Variants in PELP1 observed in about 807,000 individuals in gnomAD.
PELP1 encodes the protein proline, glutamate and leucine rich protein 1.
Under a neutral mutation model 95.5 loss-of-function variants are expected in PELP1, and 32 were observed. The observed-to-expected ratio is 0.34, with a 90% CI of 0.25 to 0.45. The LOEUF (loss-of-function observed/expected upper bound fraction) is 0.45, where lower values mean the gene tolerates loss of function less well. PELP1 is among the 20% of genes least tolerant of loss of function. The pLI, the probability that PELP1 is intolerant of heterozygous loss-of-function variation, is 1.00. For synonymous variants in PELP1, 668 were observed against 600.1 expected (o/e 1.11, Z -1.65); for missense variants, 1,358 against 1,444.8 (o/e 0.94, Z 0.97).
At chr17:4,700,684 G>A (rs1191183734) in intron 1 of PELP1, among the ~76,000 whole-genome samples, 2 of 151,994 alleles carry the variant, frequency 1.3e-5, no homozygotes, top group Non-Finnish European at 2.9e-5. Flanking sequence ...CAGGATTTTG[G>A]GGGGCCAAGG....
intron 1 of PELP1, among the ~76,000 whole-genome samples, chr17:4,698,907 CAAAGTA>C (rs1913411372): frequency 6.6e-6 from 1 of 152,020 alleles, no homozygotes; most frequent in Admixed American, 6.5e-5. Flanking sequence ...TAAAATATGT[CAAAGTA>C]AAAGGACATA....
chr17:4,679,561 CAG>C (rs1597449365), intron 5 of PELP1, among the ~76,000 whole-genome samples: 1 of 152,208 alleles, frequency 6.6e-6, no homozygotes, highest in African/African-American at 2.4e-5. Context: ...TAATACCTAA[CAG>C]AGCTGAATCA....
At position 4,675,010 on chromosome 17, in the gene PELP1, C is replaced by T; in HGVS notation, c.1275-54G>A. 18 of 1,605,912 alleles carry T rather than the reference C, an allele frequency of 1.1e-5. No homozygotes were observed. The highest frequency in any genetic ancestry group is 1.4e-5 in the Non-Finnish European group (17 of 1,173,836). ...GAATGGGGGGTCAACATGCCAGAAG[C>T]CCCAGCCCACCTGCACCCCCTCACC... On this transcript the variant is annotated intron_variant, in intron 11 of 16. Coordinates refer to ENST00000572293, the MANE Select transcript of PELP1 (RefSeq NM_014389.3). This position sits in a 1 kb window ranked among gnomAD's most constrained non-coding sequence, Gnocchi z 4.3.
intron 11 of PELP1, 33 bp from the exon 12 acceptor site, chr17:4,674,989 G>C (rs747979158): frequency 6.9e-6 from 11 of 1,604,778 alleles, no homozygotes; most frequent in Non-Finnish European, 8.5e-6. Flanking sequence ...AGTTATGAAT[G>C]GGGGGTCAAC....
intron 1 of PELP1, among the ~76,000 whole-genome samples, chr17:4,697,765 C>T (rs991324025): frequency 2.6e-5 from 4 of 151,886 alleles, no homozygotes; most frequent in East Asian, 1.9e-4. Context: ...ATGAGTTCAA[C>T]GGAACAACCA....
chr17:4,701,637 T>C (rs1409888719), intron 1 of PELP1, among the ~76,000 whole-genome samples: 1 of 152,246 alleles, frequency 6.6e-6, no homozygotes, highest in African/African-American at 2.4e-5. Context: ...GGTAGGTGGA[T>C]GATCAAACAG....
intron 1 of PELP1, among the ~76,000 whole-genome samples, chr17:4,694,800 G>A (rs984270168): frequency 2.5e-4 from 37 of 147,118 alleles, no homozygotes; most frequent in African/African-American, 9.3e-4. Flanking sequence ...GTGAAACCCC[G>A]GCTCTACTAA....
Position 4,682,866 on chromosome 17 carries a change from G to C in PELP1, c.507C>G (p.Phe169Leu). Reference sequence around the variant, plus strand: ...GGAGGTGGTTCATGGAGATGTCCCGGAACAGTGCAGGCAGCTGGGCTGCAT... The same window carrying C: ...GGAGGTGGTTCATGGAGATGTCCCGCAACAGTGCAGGCAGCTGGGCTGCAT... ...LRYAAQLPAL[F>L]RDISMNHLPG... Residue 169 changes from phenylalanine to leucine, a missense_variant, in exon 4 of 17, where the codon TTC (phenylalanine) becomes TTG (leucine). Physicochemically the swap from Phe to Leu is conservative, Grantham distance 22 (BLOSUM62 0). Transcript: ENST00000572293. 1 of 1,602,600 alleles carries C rather than the reference G, an allele frequency of 6.2e-7. No homozygotes were observed. Among genetic ancestry groups the C allele is most frequent in the Non-Finnish European group, 8.5e-7 (1 of 1,175,424 alleles).
In PELP1 at chr17:4,675,942, A is replaced by G. The variant is rs1343175777; in HGVS notation, c.981-58T>C. 2.5e-6 allele frequency: 4 copies of G among 1,587,104 alleles called. No homozygotes were observed. The East Asian group carries it at 9.1e-5, about 36-fold the overall frequency. On this transcript the variant is annotated intron_variant, in intron 8 of 16. Coordinates refer to ENST00000572293, the MANE Select transcript of PELP1 (RefSeq NM_014389.3). The surrounding 1 kb of genome is among the most constrained non-coding windows in gnomAD (Gnocchi z 4.3). ...GCAGGCTCCCTGGCATAACTCCCAC[A>G]CCCACCTTCATCTCCTTTCTCCTGA... is the stretch of plus-strand genomic sequence containing the variant.
intron 2 of PELP1, 118 bp from the exon 3 acceptor site, chr17:4,691,111 T>C: frequency 1.3e-6 from 1 of 749,458 alleles, no homozygotes; most frequent in Non-Finnish European, 2.3e-6. Flanking sequence ...CACTGTGGTT[T>C]CCAACTCCTG....
chr17:4,682,945 T>A lies in PELP1; in HGVS notation c.428A>T (p.Asp143Val). The A allele has an allele frequency of 7.2e-7, 1 of 1,398,300 alleles. No individual in the cohort carries two copies. The highest frequency in any genetic ancestry group is 9.2e-7 in the Non-Finnish European group (1 of 1,081,626). The allele number at this position is 1,398,300 out of a possible 1,614,324, so 86.6% of individuals were successfully genotyped here. A position where few individuals can be genotyped will look rare whatever the true frequency, so the allele number is the denominator to read the frequency against. The change falls in exon 4 of 17, where the codon GAC becomes GTC. Residue 143 changes from aspartate (D) to valine (V), a missense_variant. Asp to Val is a radical substitution (Grantham distance 152, BLOSUM62 -3). Coordinates refer to ENST00000572293, the MANE Select transcript of PELP1 (RefSeq NM_014389.3). ...RSIQQVLQTQ[D>V]PPATMELAVA... ...GGCCAGCTCCATTGTGGCAGGCGGG[T>A]CCTGGGTCTAAAGAAAAAAATAATG...
intron 3 of PELP1, among the ~76,000 whole-genome samples, chr17:4,683,519 G>A (rs1392217844): frequency 4.6e-5 from 2 of 43,254 alleles, no homozygotes; most frequent in Admixed American, 3.2e-4. Flanking sequence ...ACGCCCAGCT[G>A]AGTTTTCTTT....
At chr17:4,685,519 G>A (rs1912872591) in intron 3 of PELP1, among the ~76,000 whole-genome samples, 1 of 152,146 alleles carries the variant, frequency 6.6e-6, no homozygotes, top group African/African-American at 2.4e-5. Context: ...GCCAGGCACG[G>A]TAGCACCTGC....
At position 4,672,980 on chromosome 17, in the gene PELP1, T is replaced by C. The variant is rs200062536; in HGVS notation, c.2011A>G (p.Met671Val). 3,738 of 1,578,678 alleles carry C rather than the reference T, an allele frequency of 2.4e-3. 8 individuals carry two copies. The highest frequency in any genetic ancestry group is 3.0e-3 in the Non-Finnish European group (3,433 of 1,162,194). ...GAGGGCATGGAGCCCACTGAGGGCA[T>C]GGGGCCCGGAGGATGGAACGGTGGG... Reference protein sequence around the residue: ...RAPPFHPPGPMPSVGSMPSAG... With the variant: ...RAPPFHPPGPVPSVGSMPSAG... Residue 671 changes from methionine to valine, a missense_variant, in exon 16 of 17, where the codon ATG (methionine) becomes GTG (valine). Met to Val is a conservative substitution (Grantham distance 21, BLOSUM62 1). Transcript: ENST00000572293.
chr17:4,691,346 C>A, intron 2 of PELP1, 32 bp downstream of exon 2: 5 of 1,530,498 alleles, frequency 3.3e-6, no homozygotes, highest in Non-Finnish European at 4.5e-6. Context: ...AGGGAACACG[C>A]CCCTGGAGAA....
chr17:4,677,864 A>C (rs1471013457), intron 5 of PELP1, among the ~76,000 whole-genome samples: 1 of 151,536 alleles, frequency 6.6e-6, no homozygotes, highest in Non-Finnish European at 1.5e-5. Flanking sequence ...CAGAACCGAG[A>C]TCATGCCAGT....
In PELP1 at chr17:4,695,969, A is replaced by G. The variant is rs146293149; in HGVS notation, c.250-4527T>C. On this transcript the variant is annotated intron_variant, in intron 1 of 16. Coordinates refer to ENST00000572293, the MANE Select transcript of PELP1 (RefSeq NM_014389.3). ...GGAGTGAACCACCATGAACCCCCGC[A>G]GTAAAGCTGTTTTTATAAAAAGGCA... Among the ~76,000 whole-genome samples the G allele has an allele frequency of 4.5e-3, 686 of 151,202 alleles. 7 individuals are homozygous for G. Among genetic ancestry groups the G allele is most frequent in the Admixed American group, 0.011 (162 of 15,196 alleles).
At position 4,704,003 on chromosome 17, in the gene PELP1, G is replaced by A. The variant is rs763072976; in HGVS notation, c.109C>T (p.Leu37=). The part of the protein sequence containing the change: ...VSSGPRLRLL[L]LESVSGLLQP... ...AGCAAACCAGAAACACTCTCCAGCA[G>A]CAGCAGGCGGAGCCGCGGGCCCGAG... Residue 37 remains leucine (L), a synonymous_variant, in exon 1 of 17, where the codon CTG becomes TTG. Coordinates refer to ENST00000572293, the MANE Select transcript of PELP1 (RefSeq NM_014389.3). 8.1e-6 allele frequency: 13 copies of A among 1,613,188 alleles called. No homozygotes were observed. The highest frequency in any genetic ancestry group is 1.1e-5 in the Non-Finnish European group (13 of 1,179,746).
Position 4,675,582 on chromosome 17 carries a change from C to T in PELP1, c.1068+215G>A, listed in dbSNP as rs1372858787. ...CTCTCAGCAATGACTCAGCTGATCC[C>T]CAAATTCACCCTCCCCCAAGGAAGC... On this transcript the variant is annotated intron_variant, in intron 9 of 16. Coordinates refer to ENST00000572293, the MANE Select transcript of PELP1 (RefSeq NM_014389.3). The surrounding 1 kb of genome is among the most constrained non-coding windows in gnomAD (Gnocchi z 4.3). The T allele has an allele frequency of 1.4e-6, 1 of 707,324 alleles. No individual in the cohort carries two copies. Among genetic ancestry groups the T allele is most frequent in the Admixed American group, 2.0e-5 (1 of 49,918 alleles). 43.8% of individuals were successfully genotyped at this position (707,324 alleles called of 1,614,324 possible).
Sources: allele counts gnomAD v4.1 joint callset (sites outside exome capture counted in the v4.1 genomes callset), GRCh38; gene constraint gnomAD v4.1.1; non-coding constraint Gnocchi (gnomAD v3.1); transcripts MANE v1.5; gene names NCBI Gene and HGNC (gene_info 2026-07-23, HGNC 2026-07-21).